NXPH1: variants seen among roughly 807,000 people sequenced by gnomAD.
NXPH1 encodes neurexophilin 1.
In NXPH1, 5 loss-of-function variants were observed where a neutral mutation model predicts 23.7. The ratio of observed to expected loss-of-function variants is 0.21; its 90% CI spans 0.11 to 0.44. NXPH1 has a LOEUF of 0.44. Ranked by LOEUF, NXPH1 falls within the 20% of genes least tolerant of loss-of-function variation. NXPH1 has a pLI of 0.99. For synonymous variants in NXPH1, 144 were observed against 122.2 expected (o/e 1.18, Z -1.18); for missense variants, 324 against 321.6 (o/e 1.01, Z -0.06).
In NXPH1 at chr7:8,474,101, G is replaced by A. The variant is rs183714785; in HGVS notation, c.54+38334G>A. 1.7e-3 allele frequency among the ~76,000 whole-genome samples: 265 copies of A among 152,120 alleles called. 1 individual carries two copies. Among genetic ancestry groups the A allele is most frequent in the African/African-American group, 5.4e-3 (224 of 41,512 alleles). On this transcript the variant is annotated intron_variant, in intron 2 of 2. Coordinates refer to ENST00000405863, the MANE Select transcript of NXPH1 (RefSeq NM_152745.3). ...CCAATTAACAGCAAAATATAACCTC[G>A]TGAATTTTAACTTACCCTGTCAAAA...
chr7:8,597,076 C>T (rs1819242576), intron 2 of NXPH1, among the ~76,000 whole-genome samples: 1 of 151,952 alleles, frequency 6.6e-6, no homozygotes, highest in Non-Finnish European at 1.5e-5. Context: ...GATGGTCATT[C>T]ACAGCTGAGG....
chr7:8,631,569 A>G (rs188480172), intron 2 of NXPH1, among the ~76,000 whole-genome samples: 5 of 152,058 alleles, frequency 3.3e-5, no homozygotes, highest in Admixed American at 3.3e-4. Context: ...TTTTTTTTCT[A>G]GTATGGTGCT....
intron 2 of NXPH1, among the ~76,000 whole-genome samples, chr7:8,486,071 A>C (rs1817154434): frequency 6.6e-6 from 1 of 152,148 alleles, no homozygotes; most frequent in Non-Finnish European, 1.5e-5. Flanking sequence ...GATTTGAGGT[A>C]CCCCATAAAT....
Position 8,618,739 on chromosome 7 carries a change from T to C in NXPH1, c.55-132269T>C, listed in dbSNP as rs182815745. On this transcript the variant is annotated intron_variant, in intron 2 of 2. Coordinates refer to ENST00000405863, the MANE Select transcript of NXPH1 (RefSeq NM_152745.3). The stretch of plus-strand genomic sequence containing the variant: ...TTTCATTTTGAGAGCCTTCTGAGAT[T>C]ATACAAGATATTTAATCCAATATCT... Among the ~76,000 whole-genome samples the C allele has an allele frequency of 2.8e-4, 43 of 152,356 alleles. No homozygotes were observed. In the East Asian group the frequency reaches 6.9e-3, roughly 25 times the overall value.
chr7:8,601,224 A>G (rs1819352155), intron 2 of NXPH1, among the ~76,000 whole-genome samples: 1 of 151,108 alleles, frequency 6.6e-6, no homozygotes. Context: ...AGTTACTATC[A>G]TTTCTCTTTT....
intron 2 of NXPH1, among the ~76,000 whole-genome samples, chr7:8,685,158 C>G (rs1237712619): frequency 6.6e-6 from 1 of 151,996 alleles, no homozygotes; most frequent in Non-Finnish European, 1.5e-5. Context: ...TAAATTAATT[C>G]ACACAATAGT....
At chr7:8,496,087 G>T (rs1241871117) in intron 2 of NXPH1, among the ~76,000 whole-genome samples, 1 of 152,000 alleles carries the variant, frequency 6.6e-6, no homozygotes, top group East Asian at 1.9e-4. Flanking sequence ...TCAAATGAGT[G>T]GCAGCATTAG....
chr7:8,718,587 C>A (rs1023968686), intron 2 of NXPH1, among the ~76,000 whole-genome samples: 1 of 152,176 alleles, frequency 6.6e-6, no homozygotes, highest in African/African-American at 2.4e-5. Context: ...AGTTAAAAAT[C>A]TTTCTCAAAA....
chr7:8,439,855 C>G (rs1816264580), intron 2 of NXPH1, among the ~76,000 whole-genome samples: 1 of 152,130 alleles, frequency 6.6e-6, no homozygotes, highest in Non-Finnish European at 1.5e-5. Flanking sequence ...GGAGAGAGAC[C>G]AGCAATGTCT....
intron 2 of NXPH1, among the ~76,000 whole-genome samples, chr7:8,485,188 A>C (rs1418522793): frequency 1.3e-5 from 2 of 152,060 alleles, no homozygotes; most frequent in African/African-American, 4.8e-5. Flanking sequence ...AGTCTCATGA[A>C]ATTTGATGGT....
chr7:8,635,648 G>T (rs1350817224), intron 2 of NXPH1, among the ~76,000 whole-genome samples: 1 of 152,280 alleles, frequency 6.6e-6, no homozygotes, highest in South Asian at 2.1e-4. Flanking sequence ...ATGACACCGG[G>T]TCTAAAAGCA....
chr7:8,750,647 A>G (rs536894671), intron 2 of NXPH1, among the ~76,000 whole-genome samples: 3 of 152,332 alleles, frequency 2.0e-5, no homozygotes, highest in Non-Finnish European at 4.4e-5. Context: ...TGCTTTATTC[A>G]TGCTGGGTGG....
intron 2 of NXPH1, among the ~76,000 whole-genome samples, chr7:8,542,860 G>A (rs1818141702): frequency 6.6e-6 from 1 of 151,644 alleles, no homozygotes; most frequent in Non-Finnish European, 1.5e-5. Flanking sequence ...GGTACTATGA[G>A]AAAGACTTAT....
chr7:8,664,862 T>C (rs1281681345), intron 2 of NXPH1, among the ~76,000 whole-genome samples: 1 of 152,032 alleles, frequency 6.6e-6, no homozygotes, highest in East Asian at 1.9e-4. Flanking sequence ...TATTTGACTG[T>C]TTTTTAATTA....
chr7:8,669,568 T>C (rs1254500779), intron 2 of NXPH1, among the ~76,000 whole-genome samples: 1 of 152,176 alleles, frequency 6.6e-6, no homozygotes, highest in East Asian at 1.9e-4. Context: ...AGCTGTGTTT[T>C]ACTGGGGTGA....
At chr7:8,551,018 T>C (rs1818268123) in intron 2 of NXPH1, among the ~76,000 whole-genome samples, 1 of 151,490 alleles carries the variant, frequency 6.6e-6, no homozygotes, top group African/African-American at 2.4e-5. Context: ...CTTCAAAGAA[T>C]GTACAGTTTT....
At chr7:8,550,448 T>C (rs1818260771) in intron 2 of NXPH1, among the ~76,000 whole-genome samples, 2 of 151,582 alleles carry the variant, frequency 1.3e-5, no homozygotes, top group African/African-American at 4.8e-5. Context: ...GAGCCTGCAC[T>C]TTCATTCCTG....
In NXPH1 at chr7:8,669,386, G is replaced by A. The variant is rs183445840; in HGVS notation, c.55-81622G>A. ...AGGTTGAGTCTGAAGATGCTGGCCT[G>A]ATTACTAGGGATGTGGGGGCTGGCC... On this transcript the variant is annotated intron_variant, in intron 2 of 2. Coordinates refer to ENST00000405863, the MANE Select transcript of NXPH1 (RefSeq NM_152745.3). Among the ~76,000 whole-genome samples the A allele has an allele frequency of 1.8e-3, 268 of 152,234 alleles. 1 individual carries two copies. Among genetic ancestry groups the A allele is most frequent in the Non-Finnish European group, 2.9e-3 (199 of 67,990 alleles).
At chr7:8,632,227 TAAG>T (rs780647771) in intron 2 of NXPH1, among the ~76,000 whole-genome samples, 57 of 152,304 alleles carry the variant, frequency 3.7e-4, no homozygotes, top group Non-Finnish European at 5.6e-4. Flanking sequence ...TATATTGAAT[TAAG>T]AAAATCTTAT....
Sources: allele counts gnomAD v4.1 joint callset (sites outside exome capture counted in the v4.1 genomes callset), GRCh38; gene constraint gnomAD v4.1.1; transcripts MANE v1.5; gene names NCBI Gene and HGNC (gene_info 2026-07-23, HGNC 2026-07-21).